Variants in MGAT4C observed in about 807,000 individuals in gnomAD.
MGAT4C encodes alpha-1,3-mannosyl-glycoprotein 4-beta-N-acetylglucosaminyltransferase C.
In MGAT4C, 19 loss-of-function variants were observed where a neutral mutation model predicts 40.1. The observed-to-expected ratio is 0.47, with a 90% CI of 0.33 to 0.70. The LOEUF (loss-of-function observed/expected upper bound fraction) is 0.70, where lower values mean the gene tolerates loss of function less well. Among genes scored for constraint, MGAT4C ranks in the 30% least tolerant of loss-of-function variants. MGAT4C has a pLI of 0.02. For missense variants in MGAT4C, 491 were observed against 563.2 expected (o/e 0.87, Z 1.30); for synonymous variants, 181 against 187.1 (o/e 0.97, Z 0.27).
chr12:86,054,063 C>T (rs553663012), intron 1 of MGAT4C, among the ~76,000 whole-genome samples: 15 of 152,066 alleles, frequency 9.9e-5, no homozygotes, highest in Admixed American at 8.5e-4. Context: ...AAAAGAACTA[C>T]CTTATGATCT....
intron 2 of MGAT4C, among the ~76,000 whole-genome samples, chr12:86,501,040 CAG>C (rs1958331498): frequency 6.6e-6 from 1 of 152,028 alleles, no homozygotes; most frequent in South Asian, 2.1e-4. Flanking sequence ...AGTTCTGGAA[CAG>C]GCATATACAT....
intron 2 of MGAT4C, among the ~76,000 whole-genome samples, chr12:86,630,430 GC>G (rs1565893616): frequency 6.6e-6 from 1 of 152,082 alleles, no homozygotes; most frequent in African/African-American, 2.4e-5. Flanking sequence ...TGATACCAAA[GC>G]CTGGCAGAGA....
intron 2 of MGAT4C, among the ~76,000 whole-genome samples, chr12:86,515,781 C>T (rs1290762382): frequency 1.4e-5 from 2 of 141,758 alleles, no homozygotes; most frequent in Non-Finnish European, 3.0e-5. Flanking sequence ...CTCTGTCTGT[C>T]GCCCAGGCTG....
At chr12:86,271,895 C>T (rs929620967) in intron 4 of MGAT4C, among the ~76,000 whole-genome samples, 8 of 151,972 alleles carry the variant, frequency 5.3e-5, no homozygotes, top group South Asian at 2.1e-4. Flanking sequence ...GAAATGAATC[C>T]GGCACAAATT....
intron 2 of MGAT4C, among the ~76,000 whole-genome samples, chr12:86,616,136 T>C (rs1490757021): frequency 6.6e-6 from 1 of 152,116 alleles, no homozygotes; most frequent in Non-Finnish European, 1.5e-5. Flanking sequence ...CATTGAGAAC[T>C]TAAGTAATGA....
At chr12:86,191,226 T>A (rs185295432) in intron 1 of MGAT4C, among the ~76,000 whole-genome samples, 2 of 151,806 alleles carry the variant, frequency 1.3e-5, no homozygotes, top group African/African-American at 4.8e-5. Flanking sequence ...CAAAATAAAT[T>A]TTCTGAATTG....
chr12:86,507,907 T>C (rs778414042), intron 2 of MGAT4C, among the ~76,000 whole-genome samples: 5 of 152,298 alleles, frequency 3.3e-5, no homozygotes, highest in Non-Finnish European at 4.4e-5. Context: ...TGTGGTTCCA[T>C]ACAAATTTTA....
chr12:86,425,051 C>T (rs548054471), intron 3 of MGAT4C, among the ~76,000 whole-genome samples: 65 of 152,148 alleles, frequency 4.3e-4, no homozygotes, highest in Admixed American at 2.8e-3. Flanking sequence ...TCACTGTGCC[C>T]GGCCCTACAT....
chr12:86,422,082 A>G (rs948594706), intron 3 of MGAT4C, among the ~76,000 whole-genome samples: 2 of 152,216 alleles, frequency 1.3e-5, no homozygotes, highest in African/African-American at 4.8e-5. Context: ...CAAAGATAAG[A>G]CAGAATGATA....
At chr12:86,094,175 A>G (rs1873444073) in intron 1 of MGAT4C, among the ~76,000 whole-genome samples, 1 of 152,148 alleles carries the variant, frequency 6.6e-6, no homozygotes, top group African/African-American at 2.4e-5. Context: ...AGAATTGAGC[A>G]ATGTTATATG....
At chr12:85,980,549 A>G (rs1157902125) in intron 4 of MGAT4C, 119 bp from the exon 5 acceptor site, 1 of 852,948 alleles carries the variant, frequency 1.2e-6, no homozygotes, top group African/African-American at 1.7e-5. Context: ...AATCTAGTAA[A>G]TGACTATGCA....
chr12:86,428,869 A>T (rs1319986063), intron 3 of MGAT4C, among the ~76,000 whole-genome samples: 1 of 151,962 alleles, frequency 6.6e-6, no homozygotes, highest in Admixed American at 6.6e-5. Flanking sequence ...TAGTTATTCT[A>T]GCTAAAGTTT....
chr12:86,435,697 C>A (rs756827912), intron 2 of MGAT4C, among the ~76,000 whole-genome samples: 197 of 151,906 alleles, frequency 1.3e-3, no homozygotes, highest in Non-Finnish European at 2.2e-3. Context: ...CATTCTATAT[C>A]TCTGCTTTGC....
intron 3 of MGAT4C, among the ~76,000 whole-genome samples, chr12:86,356,266 C>A (rs1955307628): frequency 6.6e-6 from 1 of 152,056 alleles, no homozygotes; most frequent in Non-Finnish European, 1.5e-5. Flanking sequence ...AGAGAGGGAA[C>A]AAACAAAAAT....
At chr12:86,322,262 T>C (rs1954411492) in intron 4 of MGAT4C, among the ~76,000 whole-genome samples, 1 of 148,484 alleles carries the variant, frequency 6.7e-6, no homozygotes, top group African/African-American at 2.5e-5. Context: ...TTAGGAGATA[T>C]ACCTAATGTA....
intron 1 of MGAT4C, among the ~76,000 whole-genome samples, chr12:86,118,807 C>G (rs1015310086): frequency 2.0e-5 from 3 of 151,780 alleles, no homozygotes; most frequent in African/African-American, 4.8e-5. Flanking sequence ...TGCTTTTATA[C>G]TGATAAAATT....
intron 1 of MGAT4C, among the ~76,000 whole-genome samples, chr12:86,775,951 C>G (rs183377392): frequency 1.5e-3 from 230 of 151,388 alleles, no homozygotes; most frequent in Non-Finnish European, 2.5e-3. Context: ...CAAAACAATT[C>G]GAGAATAATA....
At chr12:86,825,117 C>T (rs976124642) in intron 1 of MGAT4C, among the ~76,000 whole-genome samples, 3 of 150,882 alleles carry the variant, frequency 2.0e-5, no homozygotes, top group Non-Finnish European at 3.0e-5. Context: ...TGTGAGGTTT[C>T]GGGTGAAGAA....
At chr12:86,663,932 T>C (rs1964039588) in intron 2 of MGAT4C, among the ~76,000 whole-genome samples, 1 of 152,208 alleles carries the variant, frequency 6.6e-6, no homozygotes, top group Non-Finnish European at 1.5e-5. Flanking sequence ...TTTGGAGGGG[T>C]AAGTTGCTTG....
Sources: allele counts gnomAD v4.1 joint callset (sites outside exome capture counted in the v4.1 genomes callset), GRCh38; gene constraint gnomAD v4.1.1; transcripts MANE v1.5; gene names NCBI Gene and HGNC (gene_info 2026-07-23, HGNC 2026-07-21).